Variants in GABBR2 observed in about 807,000 individuals in gnomAD.
GABBR2 encodes the protein G-protein coupled receptor 51.
A neutral mutation model predicts 105.6 loss-of-function variants in GABBR2; 23 were observed. That is an observed-to-expected ratio of 0.22 (90% confidence interval 0.16 to 0.31). The LOEUF (loss-of-function observed/expected upper bound fraction) is 0.31. GABBR2 is among the 10% of genes least tolerant of loss of function. The pLI, the probability that GABBR2 is intolerant of heterozygous loss-of-function variation, is 1.00. For synonymous variants in GABBR2, 478 were observed against 499.7 expected (o/e 0.96, Z 0.58); for missense variants, 734 against 1,245.5 (o/e 0.59, Z 6.18).
chr9:98,463,924 G>A (rs948418391), intron 6 of GABBR2, among the ~76,000 whole-genome samples: 4 of 152,110 alleles, frequency 2.6e-5, no homozygotes, highest in Non-Finnish European at 5.9e-5. Flanking sequence ...ATGGAGTCTC[G>A]CTCACTCAAC....
intron 10 of GABBR2, among the ~76,000 whole-genome samples, chr9:98,387,435 G>A (rs1355062325): frequency 1.3e-5 from 2 of 152,176 alleles, no homozygotes; most frequent in Non-Finnish European, 2.9e-5. Context: ...TATGTGCCCA[G>A]GCCTGTGCCA....
intron 18 of GABBR2, 43 bp downstream of exon 18, chr9:98,293,742 G>A (rs373048752): frequency 8.5e-5 from 90 of 1,061,478 alleles, no homozygotes; most frequent in Non-Finnish European, 1.2e-4. Context: ...CAGGAGTGAC[G>A]TATTTCTTCT....
At chr9:98,696,759 A>T (rs1588286930) in intron 1 of GABBR2, among the ~76,000 whole-genome samples, 1 of 152,316 alleles carries the variant, frequency 6.6e-6, no homozygotes, top group East Asian at 1.9e-4. Flanking sequence ...ATCCTGAGTA[A>T]ACACAACCGA....
At chr9:98,527,540 C>T (rs551684804) in intron 3 of GABBR2, among the ~76,000 whole-genome samples, 1 of 151,900 alleles carries the variant, frequency 6.6e-6, no homozygotes, top group Non-Finnish European at 1.5e-5. Flanking sequence ...ATATATACAT[C>T]AATAGTTTTC....
At chr9:98,679,185 A>C (rs1830509868) in intron 1 of GABBR2, among the ~76,000 whole-genome samples, 1 of 152,334 alleles carries the variant, frequency 6.6e-6, no homozygotes, top group South Asian at 2.1e-4. Context: ...AAAGATGACG[A>C]CAATTCAATC....
intron 1 of GABBR2, among the ~76,000 whole-genome samples, chr9:98,705,418 A>G (rs1830881202): frequency 6.6e-6 from 1 of 152,188 alleles, no homozygotes; most frequent in African/African-American, 2.4e-5. Flanking sequence ...TCCTTGCTAA[A>G]TCTCCATCTC....
rs749119872 is a variant in GABBR2, at chr9:98,473,147, T to G, written c.998A>C (p.Lys333Thr). 6.2e-7 allele frequency: 1 copy of G among 1,612,282 alleles called. No individual in the cohort carries two copies. Residue 333 changes from lysine (K) to threonine (T), a missense_variant and splice_region_variant, in exon 6 of 19, where the codon AAG (lysine) becomes ACG (threonine). Lys to Thr is a moderately conservative substitution (Grantham distance 78). Coordinates refer to ENST00000259455, the MANE Select transcript of GABBR2 (RefSeq NM_005458.8). The part of the protein sequence containing the change: ...SSKQIKTISG[K>T]TPQQYEREYN... ...TGAAATGGGGACCAAGGCACTGACCTTTCCTGAGATGGTCTTGATCTGCTT... is the reference window on the plus strand; with the variant it reads ...TGAAATGGGGACCAAGGCACTGACCGTTCCTGAGATGGTCTTGATCTGCTT...
chr9:98,572,060 T>C (rs780947731), intron 2 of GABBR2, among the ~76,000 whole-genome samples: 5 of 152,174 alleles, frequency 3.3e-5, no homozygotes, highest in Non-Finnish European at 5.9e-5. Flanking sequence ...AGTGGGTTCC[T>C]CCCAGCATGA....
intron 3 of GABBR2, among the ~76,000 whole-genome samples, chr9:98,507,257 T>A (rs750800530): frequency 1.3e-5 from 2 of 152,132 alleles, no homozygotes; most frequent in African/African-American, 4.8e-5. Flanking sequence ...AAGTTAAGGA[T>A]GTCAAGATGG....
chr9:98,585,339 T>C (rs1466366867), intron 1 of GABBR2, among the ~76,000 whole-genome samples: 3 of 151,620 alleles, frequency 2.0e-5, no homozygotes, highest in East Asian at 1.9e-4. Flanking sequence ...ATGTCCTTTG[T>C]AGGGACATGG....
chr9:98,454,371 A>G lies in GABBR2; in HGVS notation c.1000-154T>C, dbSNP rs915487648. On this transcript the variant is annotated intron_variant, in intron 6 of 18. Transcript: ENST00000259455. This position sits in a 1 kb window ranked among gnomAD's most constrained non-coding sequence, Gnocchi z 4.6. Reference sequence around the variant, plus strand: ...ATTATCTCATTTAACCCTCACAACAACCTCATAAGGTGGGTACTGTTATTG... The same window carrying G: ...ATTATCTCATTTAACCCTCACAACAGCCTCATAAGGTGGGTACTGTTATTG... Among the ~76,000 whole-genome samples, 4 of 151,522 alleles carry G rather than the reference A, an allele frequency of 2.6e-5. No homozygotes were observed. Among genetic ancestry groups the G allele is most frequent in the African/African-American group, 9.7e-5 (4 of 41,146 alleles).
At chr9:98,704,615 T>C (rs1830870771) in intron 1 of GABBR2, among the ~76,000 whole-genome samples, 1 of 152,172 alleles carries the variant, frequency 6.6e-6, no homozygotes, top group Non-Finnish European at 1.5e-5. Context: ...CTCAAGTACA[T>C]AAAATAGTAA....
chr9:98,514,585 T>C (rs1327775302), intron 3 of GABBR2, among the ~76,000 whole-genome samples: 1 of 129,408 alleles, frequency 7.7e-6, no homozygotes, highest in Non-Finnish European at 1.6e-5. Context: ...CACTCATAGG[T>C]GGGAATTGAA....
At chr9:98,663,607 A>G (rs2131855143) in intron 1 of GABBR2, among the ~76,000 whole-genome samples, 1 of 151,550 alleles carries the variant, frequency 6.6e-6, no homozygotes, top group South Asian at 2.1e-4. Flanking sequence ...GGAGCCAAAA[A>G]CTGAAAAATC....
At chr9:98,575,057 C>A (rs1486734735) in intron 2 of GABBR2, among the ~76,000 whole-genome samples, 1 of 148,304 alleles carries the variant, frequency 6.7e-6, no homozygotes, top group Non-Finnish European at 1.5e-5. Context: ...CACAGCCCAG[C>A]TGGAGAGACA....
In GABBR2 at chr9:98,512,088, C is replaced by T. The variant is rs1419373644; in HGVS notation, c.631-15574G>A. Among the ~76,000 whole-genome samples the T allele has an allele frequency of 4.6e-5, 7 of 152,008 alleles. No individual in the cohort carries two copies. The South Asian group carries it at 8.4e-4, about 18-fold the overall frequency. On this transcript the variant is annotated intron_variant, in intron 3 of 18. Transcript: ENST00000259455. Reference sequence around the variant, plus strand: ...TCAAGTGGGCTTCATCCCTGGGATGCAAGGCTGGTTCAACATATGAAAATC... The same window carrying T: ...TCAAGTGGGCTTCATCCCTGGGATGTAAGGCTGGTTCAACATATGAAAATC...
At chr9:98,526,571 T>A (rs1297765985) in intron 3 of GABBR2, among the ~76,000 whole-genome samples, 2 of 152,216 alleles carry the variant, frequency 1.3e-5, no homozygotes, top group Non-Finnish European at 2.9e-5. Flanking sequence ...ATCTGACATA[T>A]TTTAAATTTA....
At chr9:98,615,061 G>A (rs1829560732) in intron 1 of GABBR2, among the ~76,000 whole-genome samples, 1 of 152,196 alleles carries the variant, frequency 6.6e-6, no homozygotes, top group Non-Finnish European at 1.5e-5. Flanking sequence ...ATCCTTCCAT[G>A]AGAAGAAATG....
intron 6 of GABBR2, among the ~76,000 whole-genome samples, chr9:98,465,023 T>C (rs771062865): frequency 2.6e-5 from 4 of 151,422 alleles, no homozygotes; most frequent in African/African-American, 9.7e-5. Context: ...CAGAGACCTT[T>C]GTTCTTGTGT....
Sources: allele counts gnomAD v4.1 joint callset (sites outside exome capture counted in the v4.1 genomes callset), GRCh38; gene constraint gnomAD v4.1.1; non-coding constraint Gnocchi (gnomAD v3.1); transcripts MANE v1.5; gene names NCBI Gene and HGNC (gene_info 2026-07-23, HGNC 2026-07-21).